Variants in ZCCHC24 observed in about 807,000 individuals in gnomAD.
ZCCHC24 encodes the protein zinc finger CCHC-type containing 24.
A neutral mutation model predicts 26.2 loss-of-function variants in ZCCHC24; 10 were observed. That is an observed-to-expected ratio of 0.38 (90% confidence interval 0.24 to 0.65). The LOEUF (loss-of-function observed/expected upper bound fraction) is 0.65. ZCCHC24 is among the 30% of genes least tolerant of loss of function. ZCCHC24 has a pLI of 0.54. For synonymous variants in ZCCHC24, 144 were observed against 147.1 expected (o/e 0.98, Z 0.15); for missense variants, 243 against 329.1 (o/e 0.74, Z 2.03).
At chr10:79,399,703 T>C (rs1856604588) in intron 2 of ZCCHC24, among the ~76,000 whole-genome samples, 1 of 151,546 alleles carries the variant, frequency 6.6e-6, no homozygotes, top group South Asian at 2.1e-4. Flanking sequence ...GTGGCCAGTA[T>C]GGGGGTGGGA....
At chr10:79,391,445 G>A (rs1356555590) in intron 3 of ZCCHC24, among the ~76,000 whole-genome samples, 1 of 152,042 alleles carries the variant, frequency 6.6e-6, no homozygotes, top group Admixed American at 6.5e-5. Context: ...AGGGGCTGAG[G>A]GCTGGAGCCA....
At chr10:79,426,773 T>C (rs1013876356) in intron 2 of ZCCHC24, among the ~76,000 whole-genome samples, 2 of 152,030 alleles carry the variant, frequency 1.3e-5, no homozygotes, top group Non-Finnish European at 2.9e-5. Flanking sequence ...TTAGAAGGAA[T>C]AGAGAAATAA....
At chr10:79,418,449 C>T (rs1185725527) in intron 2 of ZCCHC24, among the ~76,000 whole-genome samples, 1 of 152,190 alleles carries the variant, frequency 6.6e-6, no homozygotes, top group East Asian at 1.9e-4. Flanking sequence ...TGGGAAGTGA[C>T]CTCAGGAAGT....
At chr10:79,415,243 C>T (rs1308537238) in intron 2 of ZCCHC24, among the ~76,000 whole-genome samples, 1 of 152,170 alleles carries the variant, frequency 6.6e-6, no homozygotes, top group Non-Finnish European at 1.5e-5. Context: ...CCAGGAAGGC[C>T]TGCAATGAAG....
At chr10:79,423,878 C>T (rs1457293205) in intron 2 of ZCCHC24, among the ~76,000 whole-genome samples, 1 of 151,114 alleles carries the variant, frequency 6.6e-6, no homozygotes, top group African/African-American at 2.4e-5. Context: ...ATCAGTCAGG[C>T]GTGGTGGCAG....
chr10:79,429,355 G>A (rs927880440), intron 2 of ZCCHC24, among the ~76,000 whole-genome samples: 1 of 152,176 alleles, frequency 6.6e-6, no homozygotes, highest in Non-Finnish European at 1.5e-5. Flanking sequence ...GGCTGAGGCA[G>A]GTGGATCACT....
At position 79,432,724 on chromosome 10, in the gene ZCCHC24, G is replaced by A; in HGVS notation, c.281C>T (p.Pro94Leu). ...GGCGATGTTGTTGAGGGAGCCATAG[G>A]GTGAGGCGCCCTTGTACACACTGTT... ...LSNSVYKGAS[P>L]YGSLNNIADG... is the part of the protein sequence containing the mutation. The change falls in exon 2 of 4, where the codon CCC (proline) becomes CTC (leucine). Residue 94 changes from proline (P) to leucine (L), a missense_variant. Pro to Leu is a moderately conservative substitution (Grantham distance 98). Coordinates refer to ENST00000372336, the MANE Select transcript of ZCCHC24 (RefSeq NM_153367.4). 1.9e-6 allele frequency: 3 copies of A among 1,610,326 alleles called. No individual in the cohort carries two copies. The highest frequency in any genetic ancestry group is 2.2e-5 in the East Asian group (1 of 44,648).
rs1856376616 is a variant in ZCCHC24, at chr10:79,385,512, A to G, written c.*833T>C. The G allele has an allele frequency of 6.6e-6, 1 of 152,288 alleles. No individual in the cohort carries two copies. Among genetic ancestry groups the G allele is most frequent in the Non-Finnish European group, 1.5e-5 (1 of 68,058 alleles). 9.4% of individuals were successfully genotyped at this position (152,288 alleles called of 1,614,324 possible). On this transcript the variant is annotated 3_prime_UTR_variant, in exon 4 of 4. Coordinates refer to ENST00000372336, the MANE Select transcript of ZCCHC24 (RefSeq NM_153367.4). The surrounding 1 kb of genome is among the most constrained non-coding windows in gnomAD (Gnocchi z 4.3). ...ACCAGGCTTGTGTCCTTTCTGCTGG[A>G]ACAGACACGCTGGGCTTCCACACTG...
At position 79,382,631 on chromosome 10, in the gene ZCCHC24, GA is replaced by G. The variant is rs1318449274; in HGVS notation, c.*3713del. ...AAGCCCGCTGCCACAGCCCCCAGGG[GA>G]CCGCTTGGCCATCTCGCTGAAGGCT... On this transcript the variant is annotated 3_prime_UTR_variant, in exon 4 of 4. Transcript: ENST00000372336. The G allele has an allele frequency of 6.5e-6, 1 of 152,918 alleles. No homozygotes were observed. The highest frequency in any genetic ancestry group is 6.5e-5 in the Admixed American group (1 of 15,288). The allele number at this position is 152,918 out of a possible 1,614,324, so 9.5% of individuals were successfully genotyped here.
At chr10:79,406,389 T>C (rs950452811) in intron 2 of ZCCHC24, among the ~76,000 whole-genome samples, 2 of 152,158 alleles carry the variant, frequency 1.3e-5, no homozygotes, top group African/African-American at 4.8e-5. Context: ...GCTGCTCTTA[T>C]GTGACTTTTA....
rs1360504921 is a variant in ZCCHC24, at chr10:79,394,425, C to T, written c.463G>A (p.Glu155Lys). 4.3e-6 allele frequency: 7 copies of T among 1,614,080 alleles called. No homozygotes were observed. The highest frequency in any genetic ancestry group is 5.9e-6 in the Non-Finnish European group (7 of 1,179,936). The stretch of plus-strand genomic sequence containing the variant: ...TTGCCCTGGTATGGAGTCAGGCCCT[C>T]GCCTTTGGGGCGTGCCTACAGGGCA... Reference protein sequence around the residue: ...KDCPQARPKGEGLTPYQGKKR... With the variant: ...KDCPQARPKGKGLTPYQGKKR... Residue 155 changes from glutamate to lysine, a missense_variant, in exon 3 of 4, where the codon GAG becomes AAG. Glu to Lys is a moderately conservative substitution (Grantham distance 56, BLOSUM62 1). Coordinates refer to ENST00000372336, the MANE Select transcript of ZCCHC24 (RefSeq NM_153367.4).
intron 2 of ZCCHC24, among the ~76,000 whole-genome samples, chr10:79,415,420 A>G (rs1458887450): frequency 1.3e-5 from 2 of 152,168 alleles, no homozygotes; most frequent in African/African-American, 4.8e-5. Flanking sequence ...CACTGGCCAC[A>G]CATTTAAGGG....
intron 2 of ZCCHC24, among the ~76,000 whole-genome samples, chr10:79,427,905 A>AGAAG (rs1228769605): frequency 6.6e-6 from 1 of 152,222 alleles, no homozygotes; most frequent in Non-Finnish European, 1.5e-5. Context: ...ATGAAAGGAT[A>AGAAG]GAAGGAAGGA....
At chr10:79,438,138 C>T (rs924373439) in intron 1 of ZCCHC24, among the ~76,000 whole-genome samples, 2 of 152,130 alleles carry the variant, frequency 1.3e-5, no homozygotes, top group South Asian at 2.1e-4. Flanking sequence ...AACTCTGATT[C>T]GAGTCCCTAG....
intron 2 of ZCCHC24, among the ~76,000 whole-genome samples, chr10:79,429,531 A>C (rs1241152478): frequency 6.6e-6 from 1 of 152,178 alleles, no homozygotes; most frequent in African/African-American, 2.4e-5. Context: ...CAGTGAGCCA[A>C]GATGATGCCA....
chr10:79,398,554 C>T (rs140935231), intron 2 of ZCCHC24, among the ~76,000 whole-genome samples: 79 of 142,520 alleles, frequency 5.5e-4, no homozygotes, highest in Middle Eastern at 3.6e-3. Flanking sequence ...GAGGATGGTT[C>T]CAGAGATGGG....
intron 2 of ZCCHC24, among the ~76,000 whole-genome samples, chr10:79,398,947 C>A (rs1223355242): frequency 6.6e-6 from 1 of 152,170 alleles, no homozygotes; most frequent in Non-Finnish European, 1.5e-5. Context: ...GCTCAGCAGG[C>A]TCTTCCACAA....
At chr10:79,439,214 CAA>C (rs1038897764) in intron 1 of ZCCHC24, among the ~76,000 whole-genome samples, 1 of 152,220 alleles carries the variant, frequency 6.6e-6, no homozygotes, top group South Asian at 2.1e-4. Flanking sequence ...TTCAGATTCT[CAA>C]AGAGGTCCCT....
At chr10:79,413,565 A>G (rs538289182) in intron 2 of ZCCHC24, among the ~76,000 whole-genome samples, 1 of 152,188 alleles carries the variant, frequency 6.6e-6, no homozygotes, top group East Asian at 1.9e-4. Context: ...CCTTGGAGGG[A>G]CCTGAAAGTC....
Sources: allele counts gnomAD v4.1 joint callset (sites outside exome capture counted in the v4.1 genomes callset), GRCh38; gene constraint gnomAD v4.1.1; non-coding constraint Gnocchi (gnomAD v3.1); transcripts MANE v1.5; gene names NCBI Gene and HGNC (gene_info 2026-07-23, HGNC 2026-07-21).